The following PRKN variants were observed in gnomAD, a reference collection of about 807,000 sequenced individuals.
PRKN encodes parkin RBR E3 ubiquitin protein ligase.
In PRKN, 56 loss-of-function variants were observed where a neutral mutation model predicts 59.5. The ratio of observed to expected loss-of-function variants is 0.94; its 90% CI spans 0.76 to 1.18. PRKN has a LOEUF of 1.18. Ranked by LOEUF, PRKN falls within the 50% of genes most tolerant of loss-of-function variation. PRKN has a pLI of 0.00. For missense variants in PRKN, 657 were observed against 596.4 expected (o/e 1.10, Z -1.06); for synonymous variants, 250 against 222.1 (o/e 1.13, Z -1.12).
rs566669697 is a variant in PRKN at position 162,348,475 on chromosome 6, A to G, written c.172-85710T>C. Among the ~76,000 whole-genome samples the G allele has an allele frequency of 3.9e-5, 6 of 152,340 alleles. No individual in the cohort carries two copies. The South Asian group carries it at 1.0e-3, about 26-fold the overall frequency. On this transcript the variant is annotated intron_variant, in intron 2 of 11. Transcript: ENST00000366898. ...GAGGAATGCAATAAATACCTATATTAGAAAAGAAGATCTCAAATCAATGAC... is the reference window on the plus strand; with the variant it reads ...GAGGAATGCAATAAATACCTATATTGGAAAAGAAGATCTCAAATCAATGAC...
chr6:162,145,695 T>C (rs567859294), intron 4 of PRKN, among the ~76,000 whole-genome samples: 5 of 152,250 alleles, frequency 3.3e-5, no homozygotes, highest in African/African-American at 9.6e-5. Context: ...AGGTTTCCCA[T>C]TGGCCACTTG....
chr6:162,423,729 A>G (rs151298670), intron 2 of PRKN, among the ~76,000 whole-genome samples: 13 of 152,304 alleles, frequency 8.5e-5, no homozygotes, highest in East Asian at 3.9e-4. Context: ...CGTTAAATCA[A>G]TTCAGCCACT....
intron 6 of PRKN, among the ~76,000 whole-genome samples, chr6:161,868,151 T>A (rs1218713975): frequency 6.6e-6 from 1 of 152,162 alleles, no homozygotes; most frequent in Non-Finnish European, 1.5e-5. Flanking sequence ...ACTATTGAGA[T>A]TATTCCATCC....
intron 1 of PRKN, among the ~76,000 whole-genome samples, chr6:162,492,068 C>T (rs953062766): frequency 1.3e-5 from 2 of 152,154 alleles, no homozygotes; most frequent in African/African-American, 4.8e-5. Flanking sequence ...CTTCTGAACT[C>T]GGCCTCATGC....
At position 162,569,406 on chromosome 6, in the gene PRKN, T is replaced by C. The variant is rs534420861; in HGVS notation, c.8-125933A>G. On this transcript the variant is annotated intron_variant, in intron 1 of 11. Coordinates refer to ENST00000366898, the MANE Select transcript of PRKN (RefSeq NM_004562.3). ...TGGCAGCTGCATGAGTACCAGAAGC[T>C]GAAGAACATGAAGCTGGCCCTGGAC... 58 of 676,756 alleles carry C rather than the reference T, an allele frequency of 8.6e-5. 1 individual carries two copies. Among genetic ancestry groups the C allele is most frequent in the South Asian group, 7.3e-4 (53 of 72,308 alleles). The allele number at this position is 676,756 out of a possible 1,614,324, so 41.9% of individuals were successfully genotyped here. A position where few individuals can be genotyped will look rare whatever the true frequency, so the allele number is the denominator to read the frequency against.
chr6:161,572,328 T>G (rs1382378747), intron 7 of PRKN, among the ~76,000 whole-genome samples: 2 of 151,998 alleles, frequency 1.3e-5, no homozygotes, highest in Non-Finnish European at 2.9e-5. Context: ...TGAACAAAAT[T>G]TAAACACACG....
chr6:161,392,298 C>T (rs1786545996), intron 9 of PRKN, among the ~76,000 whole-genome samples: 1 of 151,568 alleles, frequency 6.6e-6, no homozygotes, highest in Non-Finnish European at 1.5e-5. Context: ...GCAGGAGAAC[C>T]GTTTGAACCC....
At chr6:161,822,716 A>G (rs1792082434) in intron 6 of PRKN, among the ~76,000 whole-genome samples, 1 of 152,188 alleles carries the variant, frequency 6.6e-6, no homozygotes. Flanking sequence ...GTAACAAACC[A>G]GAGGGGTCTC....
intron 6 of PRKN, among the ~76,000 whole-genome samples, chr6:161,862,539 C>T (rs1204551794): frequency 6.6e-6 from 1 of 152,100 alleles, no homozygotes; most frequent in Non-Finnish European, 1.5e-5. Flanking sequence ...GGACTAAAGA[C>T]CAAAGGGATC....
chr6:162,083,767 C>G lies in PRKN; in HGVS notation c.535-29593G>C, dbSNP rs969314281. Reference sequence around the variant, plus strand: ...GAAGGATTTTGACAAAACACAGTACCCTTCATTCTCTTTTACCTTAGAAAT... The same window carrying G: ...GAAGGATTTTGACAAAACACAGTACGCTTCATTCTCTTTTACCTTAGAAAT... On this transcript the variant is annotated intron_variant, in intron 4 of 11. Coordinates refer to ENST00000366898, the MANE Select transcript of PRKN (RefSeq NM_004562.3). 9.2e-5 allele frequency among the ~76,000 whole-genome samples: 14 copies of G among 151,982 alleles called. No homozygotes were observed. In the South Asian group the frequency reaches 1.7e-3, roughly 18 times the overall value.
At chr6:162,193,860 G>T (rs763132777) in intron 4 of PRKN, among the ~76,000 whole-genome samples, 1 of 152,168 alleles carries the variant, frequency 6.6e-6, no homozygotes, top group East Asian at 1.9e-4. Context: ...GTTGCAGAAG[G>T]GAGCAGGGGC....
chr6:162,638,209 T>C (rs879371894), intron 1 of PRKN, among the ~76,000 whole-genome samples: 1 of 151,904 alleles, frequency 6.6e-6, no homozygotes, highest in African/African-American at 2.4e-5. Context: ...ATTATCCCTA[T>C]GTTTATTACT....
At chr6:162,035,155 C>T (rs1309450106) in intron 5 of PRKN, among the ~76,000 whole-genome samples, 1 of 102,422 alleles carries the variant, frequency 9.8e-6, no homozygotes, top group Non-Finnish European at 1.9e-5. Context: ...GGGGCCCAGG[C>T]CAGAGAGAGA....
intron 1 of PRKN, among the ~76,000 whole-genome samples, chr6:162,625,399 T>C (rs1185382786): frequency 1.3e-5 from 2 of 152,196 alleles, no homozygotes; most frequent in African/African-American, 4.8e-5. Flanking sequence ...ACTCAGTGAC[T>C]TTAACATGGG....
intron 2 of PRKN, among the ~76,000 whole-genome samples, chr6:162,274,269 T>G (rs1780517234): frequency 6.6e-6 from 1 of 152,034 alleles, no homozygotes; most frequent in South Asian, 2.1e-4. Context: ...CTCATTGCAG[T>G]CTCGGCTTCC....
At chr6:161,736,952 G>C (rs1303738082) in intron 7 of PRKN, among the ~76,000 whole-genome samples, 1 of 152,180 alleles carries the variant, frequency 6.6e-6, no homozygotes, top group East Asian at 1.9e-4. Flanking sequence ...TCTCTGGTTT[G>C]TGTGAGTCGG....
At chr6:162,216,874 T>G (rs1464798658) in intron 3 of PRKN, among the ~76,000 whole-genome samples, 1 of 152,176 alleles carries the variant, frequency 6.6e-6, no homozygotes, top group African/African-American at 2.4e-5. Flanking sequence ...GGAAAATCAC[T>G]TTGGGGGTAA....
At chr6:162,111,888 C>G (rs755065167) in intron 4 of PRKN, among the ~76,000 whole-genome samples, 6 of 152,186 alleles carry the variant, frequency 3.9e-5, no homozygotes, top group Non-Finnish European at 8.8e-5. Flanking sequence ...AATTCTACCA[C>G]CAATTGTTGA....
intron 4 of PRKN, among the ~76,000 whole-genome samples, chr6:162,154,685 GA>G (rs1782428403): frequency 6.6e-6 from 1 of 152,106 alleles, no homozygotes; most frequent in Non-Finnish European, 1.5e-5. Flanking sequence ...ATTGTTATAT[GA>G]AATACAAGGT....
Sources: allele counts gnomAD v4.1 joint callset (sites outside exome capture counted in the v4.1 genomes callset), GRCh38; gene constraint gnomAD v4.1.1; transcripts MANE v1.5; gene names NCBI Gene and HGNC (gene_info 2026-07-23, HGNC 2026-07-21).